ZFHX3: variants seen among roughly 807,000 people sequenced by gnomAD.
ZFHX3 encodes the protein zinc finger homeobox 3.
A neutral mutation model predicts 279.1 loss-of-function variants in ZFHX3; 42 were observed. The ratio of observed to expected loss-of-function variants is 0.15; its 90% confidence interval spans 0.12 to 0.19. ZFHX3 has a LOEUF of 0.19. ZFHX3 is among the 10% of genes least tolerant of loss of function. ZFHX3 has a pLI of 1.00. For synonymous variants in ZFHX3, 2,293 were observed against 1,957.8 expected (o/e 1.17, Z -4.52); for missense variants, 4,981 against 4,754.0 (o/e 1.05, Z -1.40).
At chr16:73,279,126 T>G (rs1403350341) in intron 4 of ZFHX3, among the ~76,000 whole-genome samples, 1 of 152,220 alleles carries the variant, frequency 6.6e-6, no homozygotes, top group Non-Finnish European at 1.5e-5. Context: ...AGGGATTTTT[T>G]TTTTCTCACC....
At chr16:73,641,305 G>C (rs778459738) in intron 2 of ZFHX3, among the ~76,000 whole-genome samples, 9 of 152,022 alleles carry the variant, frequency 5.9e-5, no homozygotes, top group Non-Finnish European at 1.2e-4. Context: ...AGAGGAAATG[G>C]GGCTTTCAAG....
chr16:73,498,216 A>G (rs916279767), intron 2 of ZFHX3, among the ~76,000 whole-genome samples: 1 of 152,250 alleles, frequency 6.6e-6, no homozygotes, highest in African/African-American at 2.4e-5. Context: ...CATAGATGAA[A>G]GATAGAAACT....
At chr16:73,789,800 CTACA>C (rs1959768101) in intron 1 of ZFHX3, among the ~76,000 whole-genome samples, 1 of 152,010 alleles carries the variant, frequency 6.6e-6, no homozygotes, top group Non-Finnish European at 1.5e-5. Context: ...AAGCCCCGGG[CTACA>C]TAACCACTGA....
At chr16:73,685,122 C>A (rs1197267950) in intron 1 of ZFHX3, among the ~76,000 whole-genome samples, 9 of 151,964 alleles carry the variant, frequency 5.9e-5, no homozygotes, top group Non-Finnish European at 1.0e-4. Flanking sequence ...TCAAGTGATT[C>A]CCTTGCCTCA....
At chr16:73,268,976 C>A (rs937493847) in intron 4 of ZFHX3, among the ~76,000 whole-genome samples, 1 of 152,232 alleles carries the variant, frequency 6.6e-6, no homozygotes, top group African/African-American at 2.4e-5. Context: ...TCACAAGTCA[C>A]TGCAGATGCA....
chr16:72,963,310 G>A (rs893526301), intron 1 of ZFHX3, among the ~76,000 whole-genome samples: 7 of 152,080 alleles, frequency 4.6e-5, no homozygotes, highest in South Asian at 2.1e-4. Flanking sequence ...GGTGGCACCC[G>A]GAACTCCCTC....
At chr16:73,082,602 C>G (rs900439738) in intron 8 of ZFHX3, among the ~76,000 whole-genome samples, 9 of 151,704 alleles carry the variant, frequency 5.9e-5, no homozygotes, top group Non-Finnish European at 2.9e-5. Context: ...TTCCCATTAA[C>G]TTACTTTCTT....
At chr16:73,659,168 G>A (rs553930526) in intron 2 of ZFHX3, among the ~76,000 whole-genome samples, 4 of 152,278 alleles carry the variant, frequency 2.6e-5, no homozygotes, top group Non-Finnish European at 5.9e-5. Flanking sequence ...TGTAAGTAAT[G>A]GAAGAAAGAC....
At chr16:73,239,149 T>A (rs762183872) in intron 5 of ZFHX3, among the ~76,000 whole-genome samples, 4 of 152,182 alleles carry the variant, frequency 2.6e-5, no homozygotes, top group Non-Finnish European at 4.4e-5. Context: ...TTATTCCAAG[T>A]ATCATAAATA....
At chr16:73,635,343 T>A (rs1471022455) in intron 2 of ZFHX3, among the ~76,000 whole-genome samples, 1 of 152,204 alleles carries the variant, frequency 6.6e-6, no homozygotes, top group African/African-American at 2.4e-5. Flanking sequence ...CATTGAATTA[T>A]TTAGTGGGTT....
chr16:73,569,195 A>T (rs998544721), intron 2 of ZFHX3, among the ~76,000 whole-genome samples: 2 of 152,130 alleles, frequency 1.3e-5, no homozygotes, highest in African/African-American at 4.8e-5. Context: ...GGAATATAGA[A>T]TTCCTTTCAG....
chr16:73,395,221 T>A (rs1056058691), intron 3 of ZFHX3, among the ~76,000 whole-genome samples: 3 of 152,122 alleles, frequency 2.0e-5, no homozygotes, highest in African/African-American at 7.2e-5. Flanking sequence ...TCCCAGCACT[T>A]TGGGAGGCCG....
At chr16:73,749,880 A>C (rs1201123007) in intron 1 of ZFHX3, among the ~76,000 whole-genome samples, 3 of 152,178 alleles carry the variant, frequency 2.0e-5, no homozygotes, top group Non-Finnish European at 2.9e-5. Context: ...AGACTGGATT[A>C]CTCAAAGAAC....
chr16:73,551,234 G>A (rs1235060676), intron 2 of ZFHX3, among the ~76,000 whole-genome samples: 1 of 152,012 alleles, frequency 6.6e-6, no homozygotes. Context: ...CATGAGAAGG[G>A]AAAATGCGAG....
chr16:73,090,734 A>AC (rs1180507750), intron 8 of ZFHX3, among the ~76,000 whole-genome samples: 56 of 151,684 alleles, frequency 3.7e-4, no homozygotes, highest in African/African-American at 1.2e-3. Context: ...AGAAAAAAAA[A>AC]AAAACAAAAC....
intron 1 of ZFHX3, among the ~76,000 whole-genome samples, chr16:73,695,884 G>C (rs1000694838): frequency 1.3e-5 from 2 of 152,128 alleles, no homozygotes; most frequent in African/African-American, 4.8e-5. Context: ...GAAGGACTCA[G>C]CTGCGTAAGG....
At chr16:73,654,020 T>C (rs1377997849) in intron 2 of ZFHX3, among the ~76,000 whole-genome samples, 1 of 151,808 alleles carries the variant, frequency 6.6e-6, no homozygotes, top group East Asian at 1.9e-4. Flanking sequence ...CCGTCTCTAC[T>C]AAAAATACAA....
At chr16:73,543,782 G>A (rs1409987760) in intron 2 of ZFHX3, among the ~76,000 whole-genome samples, 1 of 149,982 alleles carries the variant, frequency 6.7e-6, no homozygotes, top group African/African-American at 2.5e-5. Context: ...GTGAATAAAT[G>A]CGAGTGACCC....
rs560550346 is a variant in ZFHX3 at position 72,909,395 on chromosome 16, C to T, written c.3217-19433G>A. Among the ~76,000 whole-genome samples, 14 of 152,260 alleles carry T rather than the reference C, an allele frequency of 9.2e-5. No individual in the cohort carries two copies. In the South Asian group the frequency reaches 2.3e-3, roughly 25 times the overall value. On this transcript the variant is annotated intron_variant, in intron 3 of 9. Transcript: ENST00000268489. ...TTTATTTATGGAGACAAATGGCTGG[C>T]TGTATTCCCTCCTCTGGCAGTGATA...
Sources: gnomAD v4.1 joint callset for allele counts (sites outside exome capture counted in the v4.1 genomes callset) on GRCh38, gnomAD v4.1.1 for gene constraint, MANE v1.5 for transcripts, NCBI Gene and HGNC (gene_info 2026-07-23, HGNC 2026-07-21) for gene names.